The following KIF26A variants were observed in gnomAD, a reference collection of about 807,000 sequenced individuals.
KIF26A encodes the protein kinesin-like protein KIF26A.
KIF26A carries 74 observed loss-of-function variants against 126.0 expected under a neutral mutation model. The observed-to-expected ratio is 0.59, with a 90% CI of 0.49 to 0.71. KIF26A has a LOEUF of 0.71. Ranked by LOEUF, KIF26A falls within the 30% of genes least tolerant of loss-of-function variation. KIF26A has a pLI of 0.00. For missense variants in KIF26A, 2,984 were observed against 2,763.3 expected (o/e 1.08, Z -1.79); for synonymous variants, 1,445 against 1,232.7 (o/e 1.17, Z -3.61).
chr14:104,176,072 C>T lies in KIF26A; in HGVS notation c.3284C>T (p.Pro1095Leu). The change falls in exon 12 of 15, where the codon CCC becomes CTC. Residue 1095 changes from proline (P) to leucine (L), a missense_variant. Pro to Leu is a moderately conservative substitution (Grantham distance 98). Coordinates refer to ENST00000423312, the MANE Select transcript of KIF26A (RefSeq NM_015656.2). ...ACCTCTCAGGCCCCTGAGGGGGGGC[C>T]CCTGGAGGGGGCAGCCTGGGCCGGC... is the stretch of plus-strand genomic sequence containing the variant. Reference protein sequence around the residue: ...AYTSQAPEGGPLEGAAWAGSS... With the variant: ...AYTSQAPEGGLLEGAAWAGSS... 1 of 1,596,580 alleles carries T rather than the reference C, an allele frequency of 6.3e-7. No individual in the cohort carries two copies. The highest frequency in any genetic ancestry group is 8.5e-7 in the Non-Finnish European group (1 of 1,174,160).
chr14:104,146,233 G>T (rs2037679557), intron 2 of KIF26A, among the ~76,000 whole-genome samples: 1 of 152,218 alleles, frequency 6.6e-6, no homozygotes. Flanking sequence ...GGAGGCCTGG[G>T]GTACCTGGCA....
chr14:104,174,259 C>G lies in KIF26A; in HGVS notation c.2142C>G (p.Ser714Arg), dbSNP rs2037992300. ...CAGCCCAGCACGCAGAGACACTCAG[C>G]ACCGTGCAGCTCGCCGCCCGCATCC... The part of the protein sequence containing the change: ...DAPAQHAETL[S>R]TVQLAARIHR... The change falls in exon 11 of 15, where the codon AGC (serine) becomes AGG (arginine). Residue 714 changes from serine (S) to arginine (R), a missense_variant. Physicochemically the swap from Ser to Arg is moderately radical, Grantham distance 110 (BLOSUM62 -1). Coordinates refer to ENST00000423312, the MANE Select transcript of KIF26A (RefSeq NM_015656.2). 1.3e-6 allele frequency: 2 copies of G among 1,572,414 alleles called. No individual in the cohort carries two copies. The highest frequency in any genetic ancestry group is 2.3e-5 in the South Asian group (2 of 85,574).
At chr14:104,145,619 G>GC (rs56411223) in intron 2 of KIF26A, among the ~76,000 whole-genome samples, 150,803 of 152,340 alleles carry the variant, frequency 0.99, 74,643 homozygotes, top group African/African-American at 1. Context: ...TTCTGGCGGA[G>GC]GTGCCGCATG....
Position 104,167,014 on chromosome 14 carries a change from C to G in KIF26A, c.1079C>G (p.Ser360Cys), listed in dbSNP as rs927628039. ...PAPPCLLRAA[S>C]KTKDNPGSIG... is the part of the protein sequence containing the mutation. The stretch of plus-strand genomic sequence containing the variant: ...CCCCCCTGCCTGCTCAGGGCCGCCT[C>G]CAAGACCAAGGACAACCCTGGCAGC... The change falls in exon 5 of 15, where the codon TCC becomes TGC. Residue 360 changes from serine (S) to cysteine (C), a missense_variant. By Grantham distance (112) the Ser-to-Cys change is moderately radical (BLOSUM62 -1). Coordinates refer to ENST00000423312, the MANE Select transcript of KIF26A (RefSeq NM_015656.2). The G allele has an allele frequency of 3.2e-6, 5 of 1,579,958 alleles. No homozygotes were observed. The highest frequency in any genetic ancestry group is 4.3e-6 in the Non-Finnish European group (5 of 1,164,102).
At position 104,175,522 on chromosome 14, in the gene KIF26A, C is replaced by T; in HGVS notation, c.2734C>T (p.Pro912Ser). 1 of 1,599,860 alleles carries T rather than the reference C, an allele frequency of 6.3e-7. No individual in the cohort carries two copies. The highest frequency in any genetic ancestry group is 8.5e-7 in the Non-Finnish European group (1 of 1,178,894). Reference protein sequence around the residue: ...SSGPDTHQGTPEPCKAIVWGD... With the variant: ...SSGPDTHQGTSEPCKAIVWGD... Reference sequence around the variant, plus strand: ...TGGTCCAGACACCCACCAGGGTACCCCTGAGCCCTGCAAGGCCATTGTCTG... The same window carrying T: ...TGGTCCAGACACCCACCAGGGTACCTCTGAGCCCTGCAAGGCCATTGTCTG... Residue 912 changes from proline (P) to serine (S), a missense_variant, in exon 12 of 15, where the codon CCT becomes TCT. Transcript: ENST00000423312.
intron 13 of KIF26A, 141 bp from the exon 14 acceptor site, chr14:104,179,095 G>A (rs902172064): frequency 5.6e-5 from 56 of 1,004,228 alleles, no homozygotes; most frequent in African/African-American, 1.3e-4. Context: ...CCCCAGGTCC[G>A]CCCCCTGCCC....
Position 104,180,707 on chromosome 14 carries a change from G to C in KIF26A, c.*917G>C, listed in dbSNP as rs1201717667. Reference sequence around the variant, plus strand: ...GGGGCACCCTGGGCAGGGTGGGGGGGCCTTGGGAGGCGCTTCTTGCCAAAT... The same window carrying C: ...GGGGCACCCTGGGCAGGGTGGGGGGCCCTTGGGAGGCGCTTCTTGCCAAAT... On this transcript the variant is annotated 3_prime_UTR_variant, in exon 15 of 15. Coordinates refer to ENST00000423312, the MANE Select transcript of KIF26A (RefSeq NM_015656.2). The C allele has an allele frequency of 6.5e-6, 1 of 153,954 alleles. No individual in the cohort carries two copies. Among genetic ancestry groups the C allele is most frequent in the East Asian group, 1.9e-4 (1 of 5,158 alleles). 9.5% of individuals were successfully genotyped at this position (153,954 alleles called of 1,614,324 possible). A position where few individuals can be genotyped will look rare whatever the true frequency, so the allele number is the denominator to read the frequency against.
chr14:104,148,707 C>CTT lies in KIF26A; in HGVS notation c.289-3305_289-3304dup, dbSNP rs1431304239. On this transcript the variant is annotated intron_variant, in intron 2 of 14. Transcript: ENST00000423312. This position sits in a 1 kb window ranked among gnomAD's most constrained non-coding sequence, Gnocchi z 4.3. ...GGGGCAGGGCTGCAGGGCTGGGCGGCTTTTGTCTCTCTGAGGGCTGCGTCT... is the reference window on the plus strand; with the variant it reads ...GGGGCAGGGCTGCAGGGCTGGGCGGCTTTTTTGTCTCTCTGAGGGCTGCGTCT... Among the ~76,000 whole-genome samples, 3 of 151,554 alleles carry CTT rather than the reference C, an allele frequency of 2.0e-5. No homozygotes were observed. Among genetic ancestry groups the CTT allele is most frequent in the Non-Finnish European group, 4.4e-5 (3 of 67,878 alleles).
Position 104,141,083 on chromosome 14 carries a change from G to C in KIF26A, c.288+1795G>C, listed in dbSNP as rs574509856. Among the ~76,000 whole-genome samples, 6 of 152,344 alleles carry C rather than the reference G, an allele frequency of 3.9e-5. No homozygotes were observed. In the East Asian group the frequency reaches 1.2e-3, roughly 29 times the overall value. The stretch of plus-strand genomic sequence containing the variant: ...TGTCATTGTCCTGTCCCCTGTGCGG[G>C]CCTGGGCTGTCCCCAGAGTCCCAGC... On this transcript the variant is annotated intron_variant, in intron 2 of 14. Transcript: ENST00000423312.
rs1406656431 is a variant in KIF26A, at chr14:104,172,645, T to C, written c.1397T>C (p.Phe466Ser). The change falls in exon 7 of 15, where the codon TTT becomes TCT. Residue 466 changes from phenylalanine (F) to serine (S), a missense_variant. By Grantham distance (155) the Phe-to-Ser change is radical (BLOSUM62 -2). Transcript: ENST00000423312. Reference protein sequence around the residue: ...SVVSGADGCIFSFGHMSLGKS... With the variant: ...SVVSGADGCISSFGHMSLGKS... ...GTCAGTGGGGCTGATGGCTGCATTT[T>C]TTCCTTTGGCCACATGAGCCTGGGT... The C allele has an allele frequency of 6.2e-7, 1 of 1,613,172 alleles. No individual in the cohort carries two copies.
rs1413305607 is a variant in KIF26A at position 104,176,758 on chromosome 14, G to C, written c.3970G>C (p.Asp1324His). 4 of 1,585,274 alleles carry C rather than the reference G, an allele frequency of 2.5e-6. No homozygotes were observed. Among genetic ancestry groups the C allele is most frequent in the Middle Eastern group, 1.7e-4 (1 of 6,024 alleles). Reference protein sequence around the residue: ...GVTTPAVSWGDAPTEVVACSG... With the variant: ...GVTTPAVSWGHAPTEVVACSG... ...GACAACGCCAGCTGTGTCCTGGGGA[G>C]ATGCTCCCACGGAGGTGGTGGCCTG... The change falls in exon 12 of 15, where the codon GAT becomes CAT. Residue 1324 changes from aspartate to histidine, a missense_variant. Asp to His is a moderately conservative substitution (Grantham distance 81). Coordinates refer to ENST00000423312, the MANE Select transcript of KIF26A (RefSeq NM_015656.2).
intron 3 of KIF26A, among the ~76,000 whole-genome samples, chr14:104,156,592 C>G (rs1283165150): frequency 7.3e-6 from 1 of 137,010 alleles, no homozygotes; most frequent in East Asian, 1.9e-4. Context: ...GAAGCTGGTA[C>G]CGGCCATGGG....
At chr14:104,153,662 G>A (rs1346481965) in intron 3 of KIF26A, among the ~76,000 whole-genome samples, 2 of 152,158 alleles carry the variant, frequency 1.3e-5, no homozygotes, top group Non-Finnish European at 2.9e-5. Context: ...GGAGGGGTGG[G>A]CGGGGATGGT....
rs1173671978 is a variant in KIF26A at position 104,148,326 on chromosome 14, C to T, written c.289-3689C>T. ...GAATCAAATGAAGAAAAACATTTTC[C>T]AAATGCAAGTAAAGTATCTGTGTAA... On this transcript the variant is annotated intron_variant, in intron 2 of 14. Transcript: ENST00000423312. The surrounding 1 kb of genome is among the most constrained non-coding windows in gnomAD (Gnocchi z 4.3). 1.3e-5 allele frequency among the ~76,000 whole-genome samples: 2 copies of T among 152,128 alleles called. No individual in the cohort carries two copies. The highest frequency in any genetic ancestry group is 2.9e-5 in the Non-Finnish European group (2 of 68,020).
In KIF26A at chr14:104,141,283, G is replaced by A. The variant is rs185743645; in HGVS notation, c.288+1995G>A. 3.9e-5 allele frequency among the ~76,000 whole-genome samples: 6 copies of A among 152,372 alleles called. No individual in the cohort carries two copies. In the East Asian group the frequency reaches 5.8e-4, roughly 15 times the overall value. On this transcript the variant is annotated intron_variant, in intron 2 of 14. Transcript: ENST00000423312. ...CTGGCCTCTGCTCTGTAAGGCCAACGTGGCAAGGGGTATTTAGGGTTGGTG... is the reference window on the plus strand; with the variant it reads ...CTGGCCTCTGCTCTGTAAGGCCAACATGGCAAGGGGTATTTAGGGTTGGTG...
chr14:104,161,666 G>A (rs1237678829), intron 4 of KIF26A, among the ~76,000 whole-genome samples: 2 of 152,184 alleles, frequency 1.3e-5, no homozygotes, highest in African/African-American at 4.8e-5. Context: ...CTTCTTCTGT[G>A]AGCATCTGCC....
chr14:104,152,444 C>T lies in KIF26A; in HGVS notation c.718C>T (p.Leu240Phe), dbSNP rs754010209. 7.0e-6 allele frequency: 11 copies of T among 1,579,846 alleles called. No homozygotes were observed. The Admixed American group carries it at 1.4e-4, about 21-fold the overall frequency. The change falls in exon 3 of 15, where the codon CTC becomes TTC. Residue 240 changes from leucine (L) to phenylalanine (F), a missense_variant. By Grantham distance (22) the Leu-to-Phe change is conservative. Transcript: ENST00000423312. This position sits in a 1 kb window ranked among gnomAD's most constrained non-coding sequence, Gnocchi z 5.9. ...MWSVSRVNSF[L>F]PPACLAEAAV... ...GAGTGTCTCGCGGGTCAACAGCTTC[C>T]TCCCGCCGGCGTGCCTGGTGAGTGT...
intron 4 of KIF26A, 146 bp downstream of exon 4, chr14:104,158,088 G>A: frequency 1.3e-6 from 1 of 785,258 alleles, no homozygotes; most frequent in African/African-American, 1.8e-5. Flanking sequence ...TCCGACCACA[G>A]CTGCTGAGCC....
At chr14:104,174,048 G>C in intron 10 of KIF26A, 100 bp from the exon 11 acceptor site, 2 of 1,418,114 alleles carry the variant, frequency 1.4e-6, no homozygotes, top group Non-Finnish European at 9.3e-7. Flanking sequence ...TGGTGCCGGA[G>C]CTGGGTGGGA....
Sources: allele counts gnomAD v4.1 joint callset (sites outside exome capture counted in the v4.1 genomes callset), GRCh38; gene constraint gnomAD v4.1.1; non-coding constraint Gnocchi (gnomAD v3.1); transcripts MANE v1.5; gene names NCBI Gene and HGNC (gene_info 2026-07-23, HGNC 2026-07-21).